The following SLC24A2 variants were observed in gnomAD, a reference collection of about 807,000 sequenced individuals.
SLC24A2 encodes solute carrier family 24 member 2.
In SLC24A2, 36 loss-of-function variants were observed where a neutral mutation model predicts 62.0. The ratio of observed to expected loss-of-function variants is 0.58; its 90% CI spans 0.44 to 0.77. The LOEUF (loss-of-function observed/expected upper bound fraction) is 0.77, where lower values mean the gene tolerates loss of function less well. Ranked by LOEUF, SLC24A2 falls within the 30% of genes least tolerant of loss-of-function variation. The probability of loss-of-function intolerance (pLI) is 0.00; values close to 1 mark genes in which losing one functional copy is unlikely to be tolerated. For missense variants in SLC24A2, 846 were observed against 817.9 expected (o/e 1.03, Z -0.42); for synonymous variants, 358 against 294.0 (o/e 1.22, Z -2.23).
chr9:20,232,272 T>C, the SLC24A2 span, among the ~76,000 whole-genome samples: 99 of 152,222 alleles, frequency 6.5e-4, no homozygotes, highest in African/African-American at 2.2e-3. Flanking sequence ...GGAGGATTCC[T>C]TCTTTTTCTA....
the SLC24A2 span, among the ~76,000 whole-genome samples, chr9:19,888,849 G>A: frequency 1.3e-5 from 2 of 152,106 alleles, no homozygotes; most frequent in Non-Finnish European, 2.9e-5. Flanking sequence ...AGGAAAACAA[G>A]GACAACTGGA....
At chr9:19,895,911 T>C in the SLC24A2 span, 3 of 1,613,526 alleles carry the variant, frequency 1.9e-6, no homozygotes, top group Non-Finnish European at 2.5e-6. Context: ...GGTCAAATTC[T>C]AACATCCTCC....
At chr9:19,782,394 C>T (rs987778901) in intron 2 of SLC24A2, among the ~76,000 whole-genome samples, 12 of 152,160 alleles carry the variant, frequency 7.9e-5, no homozygotes, top group African/African-American at 2.9e-4. Context: ...ATGGATATTG[C>T]TAAGTCCCAG....
chr9:19,550,693 T>G (rs192650128), intron 7 of SLC24A2, among the ~76,000 whole-genome samples: 1 of 120,100 alleles, frequency 8.3e-6, no homozygotes, highest in African/African-American at 2.9e-5. Flanking sequence ...TGATAAAAAA[T>G]ATTTCTTTTT....
the SLC24A2 span, among the ~76,000 whole-genome samples, chr9:20,248,381 C>T: frequency 6.6e-6 from 1 of 152,216 alleles, no homozygotes; most frequent in Non-Finnish European, 1.5e-5. Context: ...AGCTGAGTTG[C>T]TTAAGCAACA....
intron 4 of SLC24A2, among the ~76,000 whole-genome samples, chr9:19,602,774 C>T (rs1246532395): frequency 3.3e-5 from 5 of 152,078 alleles, no homozygotes; most frequent in Admixed American, 1.3e-4. Flanking sequence ...ACTTCAATGT[C>T]CTTATCTGTA....
At chr9:20,307,039 T>A in the SLC24A2 span, among the ~76,000 whole-genome samples, 1 of 152,220 alleles carries the variant, frequency 6.6e-6, no homozygotes, top group African/African-American at 2.4e-5. Context: ...CTACCATATC[T>A]GCATTCACCC....
chr9:19,926,729 A>G, the SLC24A2 span: 3 of 152,494 alleles, frequency 2.0e-5, no homozygotes, highest in Non-Finnish European at 4.4e-5. Flanking sequence ...TCTACACTGC[A>G]CTTGGATTGG....
At chr9:19,969,223 A>G in the SLC24A2 span, among the ~76,000 whole-genome samples, 1 of 149,764 alleles carries the variant, frequency 6.7e-6, no homozygotes. Flanking sequence ...ACACACACAC[A>G]CACTTCTTCC....
At chr9:19,565,320 AACAG>A (rs1835602890) in intron 7 of SLC24A2, among the ~76,000 whole-genome samples, 1 of 138,650 alleles carries the variant, frequency 7.2e-6, no homozygotes, top group Non-Finnish European at 1.6e-5. Context: ...ATACACCAAC[AACAG>A]ACAAACAGAG....
chr9:19,708,127 C>A (rs1379246195), intron 2 of SLC24A2, among the ~76,000 whole-genome samples: 1 of 151,998 alleles, frequency 6.6e-6, no homozygotes, highest in African/African-American at 2.4e-5. Flanking sequence ...AAACAGAGAG[C>A]CAAATCATGA....
At chr9:20,215,087 G>A in the SLC24A2 span, among the ~76,000 whole-genome samples, 2 of 152,234 alleles carry the variant, frequency 1.3e-5, no homozygotes, top group African/African-American at 4.8e-5. Flanking sequence ...AGGCTGGGAA[G>A]TCCAAGATCA....
At chr9:20,271,587 T>A in the SLC24A2 span, among the ~76,000 whole-genome samples, 1 of 152,288 alleles carries the variant, frequency 6.6e-6, no homozygotes, top group Middle Eastern at 3.4e-3. Context: ...AATAGACAAA[T>A]GATATCAGAC....
At chr9:20,218,810 G>T in the SLC24A2 span, among the ~76,000 whole-genome samples, 2 of 152,018 alleles carry the variant, frequency 1.3e-5, no homozygotes, top group Admixed American at 1.3e-4. Context: ...GTTTCTATAG[G>T]TCAGAAGACC....
intron 1 of SLC24A2, chr9:19,788,642 G>A (rs1442242860): frequency 4.4e-5 from 43 of 985,020 alleles, no homozygotes; most frequent in Non-Finnish European, 5.1e-5. Context: ...CTCCCCCGAC[G>A]GCAGGCCCTG....
chr9:19,682,906 T>C (rs1352182388), intron 2 of SLC24A2, among the ~76,000 whole-genome samples: 2 of 152,120 alleles, frequency 1.3e-5, no homozygotes, highest in African/African-American at 4.8e-5. Flanking sequence ...CATGTATTGA[T>C]TAGCTGTACT....
chr9:20,303,442 G>A, the SLC24A2 span, among the ~76,000 whole-genome samples: 434 of 152,134 alleles, frequency 2.9e-3, 2 homozygotes, highest in Non-Finnish European at 3.5e-3. Context: ...CAAATTTAAC[G>A]TATTCATTTT....
rs1392563670 is a variant in SLC24A2, at chr9:19,515,042, C to T, written c.*1111G>A. On this transcript the variant is annotated 3_prime_UTR_variant, in exon 11 of 11. Coordinates refer to ENST00000341998, the MANE Select transcript of SLC24A2 (RefSeq NM_020344.4). ...ACCTTTACTGGATGACTTCTTATTG[C>T]ACATCTAGGCTCTCTTGGCAGCCCT... 2 of 152,184 alleles carry T rather than the reference C, an allele frequency of 1.3e-5. No individual in the cohort carries two copies. Among genetic ancestry groups the T allele is most frequent in the Non-Finnish European group, 2.9e-5 (2 of 68,040 alleles). The allele number at this position is 152,184 out of a possible 1,614,324, so 9.4% of individuals were successfully genotyped here.
the SLC24A2 span, among the ~76,000 whole-genome samples, chr9:20,204,860 C>T: frequency 8.3e-3 from 1,265 of 151,640 alleles, 22 homozygotes; most frequent in African/African-American, 0.029. Flanking sequence ...TCTCCTGCCT[C>T]AGCCTCCCGA....
Sources: allele counts gnomAD v4.1 joint callset (sites outside exome capture counted in the v4.1 genomes callset), GRCh38; gene constraint gnomAD v4.1.1; transcripts MANE v1.5; gene names NCBI Gene and HGNC (gene_info 2026-07-23, HGNC 2026-07-21).